The following CAMK1D variants were observed in gnomAD, a reference collection of about 807,000 sequenced individuals.
CAMK1D encodes calcium/calmodulin-dependent protein kinase type 1D.
Under a neutral mutation model 47.7 loss-of-function variants are expected in CAMK1D, and 9 were observed. That is an observed-to-expected ratio of 0.19 (90% confidence interval 0.11 to 0.33). The LOEUF (loss-of-function observed/expected upper bound fraction) is 0.33, where lower values mean the gene tolerates loss of function less well. CAMK1D is among the 10% of genes least tolerant of loss of function. The pLI, the probability that CAMK1D is intolerant of heterozygous loss-of-function variation, is 1.00. For synonymous variants in CAMK1D, 184 were observed against 184.9 expected (o/e 0.99, Z 0.04); for missense variants, 291 against 488.7 (o/e 0.60, Z 3.81).
At chr10:12,812,699 G>C (rs902106400) in intron 6 of CAMK1D, among the ~76,000 whole-genome samples, 2 of 152,132 alleles carry the variant, frequency 1.3e-5, no homozygotes, top group Non-Finnish European at 2.9e-5. Flanking sequence ...TCTGCACCAC[G>C]CTGCATTGCC....
chr10:12,579,391 C>T (rs561559535), intron 2 of CAMK1D, among the ~76,000 whole-genome samples: 27 of 152,286 alleles, frequency 1.8e-4, no homozygotes, highest in African/African-American at 5.8e-4. Context: ...TCTTCTCATC[C>T]ATCATGTATT....
At chr10:12,806,329 G>C (rs1838728898) in intron 6 of CAMK1D, among the ~76,000 whole-genome samples, 1 of 152,224 alleles carries the variant, frequency 6.6e-6, no homozygotes, top group South Asian at 2.1e-4. Context: ...TCAGTGCTCA[G>C]TCTTTGGTGA....
At position 12,455,994 on chromosome 10, in the gene CAMK1D, TC is replaced by T. The variant is rs142130436; in HGVS notation, c.93-97229del. ...AATGTTCTAAGTCAGAAGGTCAATTTCCTGAAATCTGAGATTCTCATGTGAA... is the reference window on the plus strand; with the variant it reads ...AATGTTCTAAGTCAGAAGGTCAATTTCTGAAATCTGAGATTCTCATGTGAA... On this transcript the variant is annotated intron_variant, in intron 1 of 10. Transcript: ENST00000619168. Among the ~76,000 whole-genome samples the T allele has an allele frequency of 4.8e-4, 73 of 152,326 alleles. No individual in the cohort carries two copies. In the East Asian group the frequency reaches 8.7e-3, roughly 18 times the overall value.
intron 5 of CAMK1D, among the ~76,000 whole-genome samples, chr10:12,784,116 T>C (rs1837615685): frequency 6.6e-6 from 1 of 152,176 alleles, no homozygotes; most frequent in Admixed American, 6.5e-5. Flanking sequence ...AGGAGGAGGT[T>C]CTGAGAGATC....
intron 8 of CAMK1D, among the ~76,000 whole-genome samples, chr10:12,819,214 C>T (rs1358607398): frequency 6.6e-6 from 1 of 152,180 alleles, no homozygotes; most frequent in Non-Finnish European, 1.5e-5. Context: ...GAGGTGGAGG[C>T]CCTGCTGAGT....
chr10:12,453,684 T>C (rs1833156976), intron 1 of CAMK1D, among the ~76,000 whole-genome samples: 1 of 152,216 alleles, frequency 6.6e-6, no homozygotes, highest in East Asian at 1.9e-4. Context: ...AATACAGGCA[T>C]TGCATTTTTG....
intron 1 of CAMK1D, among the ~76,000 whole-genome samples, chr10:12,494,057 C>T (rs1834465169): frequency 6.6e-6 from 1 of 152,208 alleles, no homozygotes; most frequent in African/African-American, 2.4e-5. Context: ...TAGTGAACAT[C>T]TCTTGAGTGC....
At chr10:12,500,192 G>A (rs1376422694) in intron 1 of CAMK1D, among the ~76,000 whole-genome samples, 2 of 152,210 alleles carry the variant, frequency 1.3e-5, no homozygotes, top group African/African-American at 4.8e-5. Context: ...CTTGAACCTG[G>A]AAGGTGGAGG....
chr10:12,795,916 G>A (rs1008605373), intron 6 of CAMK1D, among the ~76,000 whole-genome samples: 5 of 152,174 alleles, frequency 3.3e-5, no homozygotes, highest in Admixed American at 6.5e-5. Flanking sequence ...TGAGGACGGC[G>A]TGGGTTGCGC....
chr10:12,784,197 T>TG (rs1837618804), intron 5 of CAMK1D, among the ~76,000 whole-genome samples: 1 of 91,116 alleles, frequency 1.1e-5, no homozygotes, highest in African/African-American at 3.9e-5. Context: ...GGAGAAAAGG[T>TG]ATTTTTTTTT....
At chr10:12,472,169 T>A (rs1203570500) in intron 1 of CAMK1D, among the ~76,000 whole-genome samples, 1 of 152,130 alleles carries the variant, frequency 6.6e-6, no homozygotes, top group Admixed American at 6.5e-5. Flanking sequence ...CACTTGTAAC[T>A]CTCTTTACTA....
chr10:12,463,041 C>T (rs1321727415), intron 1 of CAMK1D, among the ~76,000 whole-genome samples: 1 of 152,098 alleles, frequency 6.6e-6, no homozygotes, highest in Non-Finnish European at 1.5e-5. Context: ...GTTGGGCAAC[C>T]AGCAGCTGGC....
chr10:12,679,035 A>G (rs1216381295), intron 3 of CAMK1D, among the ~76,000 whole-genome samples: 1 of 152,220 alleles, frequency 6.6e-6, no homozygotes, highest in Non-Finnish European at 1.5e-5. Context: ...TGCTGGGATT[A>G]CAGATGTGAG....
At chr10:12,509,327 G>GT (rs1222999246) in intron 1 of CAMK1D, among the ~76,000 whole-genome samples, 1 of 152,196 alleles carries the variant, frequency 6.6e-6, no homozygotes, top group Non-Finnish European at 1.5e-5. Context: ...CCATACCAGT[G>GT]TTTCATCATT....
chr10:12,424,583 C>G (rs773532446), intron 1 of CAMK1D, among the ~76,000 whole-genome samples: 1 of 152,162 alleles, frequency 6.6e-6, no homozygotes, highest in South Asian at 2.1e-4. Flanking sequence ...CCCAGTCCAG[C>G]GTATTTTCCA....
chr10:12,546,985 G>A (rs1272891060), intron 1 of CAMK1D, among the ~76,000 whole-genome samples: 3 of 152,188 alleles, frequency 2.0e-5, no homozygotes, highest in East Asian at 3.9e-4. Context: ...ATGGATGAAG[G>A]TTAGGAGGCC....
intron 1 of CAMK1D, among the ~76,000 whole-genome samples, chr10:12,398,164 A>G (rs1199690681): frequency 1.3e-5 from 2 of 152,216 alleles, no homozygotes; most frequent in Non-Finnish European, 1.5e-5. Flanking sequence ...CATCCATTTA[A>G]AAAGAAGCTC....
At chr10:12,822,770 A>G (rs1037758703) in intron 8 of CAMK1D, among the ~76,000 whole-genome samples, 7 of 152,200 alleles carry the variant, frequency 4.6e-5, no homozygotes, top group African/African-American at 9.7e-5. Context: ...CGGGGAAAAA[A>G]GCTTAATAAA....
chr10:12,587,369 A>C (rs2895534), intron 2 of CAMK1D, among the ~76,000 whole-genome samples: 122,454 of 151,882 alleles, frequency 0.81, 49,617 homozygotes, highest in African/African-American at 0.88. Flanking sequence ...ACTTGGAGCT[A>C]AAAACGCATT....
Sources: gnomAD v4.1 joint callset for allele counts (sites outside exome capture counted in the v4.1 genomes callset) on GRCh38, gnomAD v4.1.1 for gene constraint, MANE v1.5 for transcripts, NCBI Gene and HGNC (gene_info 2026-07-23, HGNC 2026-07-21) for gene names.